UTS2: variants seen among roughly 807,000 people sequenced by gnomAD.
UTS2 encodes the protein urotensin 2.
Under a neutral mutation model 12.6 loss-of-function variants are expected in UTS2, and 10 were observed. The ratio of observed to expected loss-of-function variants is 0.80; its 90% CI spans 0.49 to 1.35. The LOEUF (loss-of-function observed/expected upper bound fraction) is 1.35. UTS2 is among the 40% of genes most tolerant of loss of function. UTS2 has a pLI of 0.00. For synonymous variants in UTS2, 52 were observed against 50.0 expected (o/e 1.04, Z -0.17); for missense variants, 142 against 143.2 (o/e 0.99, Z 0.04).
the UTS2 span, among the ~76,000 whole-genome samples, chr1:7,895,089 C>T: frequency 6.6e-6 from 1 of 152,076 alleles, no homozygotes. Flanking sequence ...TAGGCCTAGG[C>T]CTGGCACGGT....
the UTS2 span, among the ~76,000 whole-genome samples, chr1:7,891,524 TAAGAAAGAAAGAA>T: frequency 1.7e-4 from 13 of 74,322 alleles, no homozygotes; most frequent in Admixed American, 2.4e-3. Flanking sequence ...AGACTCGATC[TAAGAAAGAAAGAA>T]AAGAAAGAAA....
the UTS2 span, among the ~76,000 whole-genome samples, chr1:7,872,823 T>C: frequency 6.6e-6 from 1 of 152,192 alleles, no homozygotes; most frequent in African/African-American, 2.4e-5. Flanking sequence ...AGATTTTCCG[T>C]GTAGATAAAC....
chr1:7,884,548 A>C, the UTS2 span, among the ~76,000 whole-genome samples: 2 of 152,026 alleles, frequency 1.3e-5, no homozygotes, highest in Admixed American at 6.6e-5. Context: ...GGCTCAAGCG[A>C]TCCTCCCATC....
At chr1:7,876,893 A>G in the UTS2 span, among the ~76,000 whole-genome samples, 5 of 152,128 alleles carry the variant, frequency 3.3e-5, no homozygotes, top group Admixed American at 1.3e-4. Context: ...GCACTTTGGG[A>G]GACCGAGGCA....
the UTS2 span, among the ~76,000 whole-genome samples, chr1:7,886,918 C>A: frequency 6.6e-6 from 1 of 151,574 alleles, no homozygotes. Flanking sequence ...GGCATGGTGG[C>A]AGGTCCCTGC....
chr1:7,853,530 C>T (rs11121035), upstream of UTS2: 120,480 of 1,487,858 alleles, frequency 0.081, 5,330 homozygotes, highest in African/African-American at 0.14. Flanking sequence ...GTAAAACCAG[C>T]TATTTCCTTT....
the UTS2 span, among the ~76,000 whole-genome samples, chr1:7,890,740 A>AAT: frequency 6.6e-6 from 1 of 150,726 alleles, no homozygotes; most frequent in Non-Finnish European, 1.5e-5. Flanking sequence ...AAAAAAAAAA[A>AAT]AAAAAATGAA....
chr1:7,905,946 C>T, the UTS2 span, among the ~76,000 whole-genome samples: 1,565 of 141,962 alleles, frequency 0.011, 30 homozygotes, highest in African/African-American at 0.038. Flanking sequence ...GCTTGTCTTG[C>T]TGGGCACACG....
chr1:7,869,437 G>T, the UTS2 span, among the ~76,000 whole-genome samples: 1 of 152,222 alleles, frequency 6.6e-6, no homozygotes, highest in Non-Finnish European at 1.5e-5. Flanking sequence ...GAGCACGTGG[G>T]GAAAGGGCTG....
At chr1:7,911,558 C>A in the UTS2 span, among the ~76,000 whole-genome samples, 1 of 152,094 alleles carries the variant, frequency 6.6e-6, no homozygotes, top group Non-Finnish European at 1.5e-5. Context: ...ATTACTGGGT[C>A]CAAAGCCCGT....
chr1:7,859,406 G>A, the UTS2 span, among the ~76,000 whole-genome samples: 8 of 152,220 alleles, frequency 5.3e-5, no homozygotes, highest in South Asian at 2.1e-4. Context: ...CACAGGCCCC[G>A]TGCTGGTCCC....
the UTS2 span, among the ~76,000 whole-genome samples, chr1:7,911,783 C>G: frequency 6.6e-6 from 1 of 151,882 alleles, no homozygotes; most frequent in South Asian, 2.1e-4. Context: ...TGCCTGTAAT[C>G]CCAGCTACTC....
the UTS2 span, among the ~76,000 whole-genome samples, chr1:7,866,118 C>T: frequency 1.1e-4 from 17 of 152,290 alleles, no homozygotes; most frequent in East Asian, 5.8e-4. This position sits in a 1 kb window ranked among gnomAD's most constrained non-coding sequence, Gnocchi z 4.5. Context: ...TGGTCGACCA[C>T]GCTGACCATG....
At chr1:7,865,641 C>T in the UTS2 span, among the ~76,000 whole-genome samples, 1 of 152,182 alleles carries the variant, frequency 6.6e-6, no homozygotes, top group Non-Finnish European at 1.5e-5. Flanking sequence ...CTTACAGACC[C>T]TATCTCCAAA....
At chr1:7,912,503 G>C in the UTS2 span, among the ~76,000 whole-genome samples, 1 of 152,122 alleles carries the variant, frequency 6.6e-6, no homozygotes, top group Non-Finnish European at 1.5e-5. Flanking sequence ...GCCCATGCTG[G>C]AGTGCAGTGT....
At chr1:7,888,559 T>A in the UTS2 span, among the ~76,000 whole-genome samples, 2 of 152,220 alleles carry the variant, frequency 1.3e-5, no homozygotes, top group African/African-American at 4.8e-5. Context: ...AGGTTTCCAT[T>A]GTCTGCAGGA....
the UTS2 span, among the ~76,000 whole-genome samples, chr1:7,883,269 A>T: frequency 6.6e-6 from 1 of 152,262 alleles, no homozygotes; most frequent in Non-Finnish European, 1.5e-5. Flanking sequence ...GTTAGATGAA[A>T]CAAGCCAGGC....
At chr1:7,908,030 G>T in the UTS2 span, among the ~76,000 whole-genome samples, 4 of 50 alleles carry the variant, frequency 0.08, no homozygotes, top group East Asian at 0.5. Flanking sequence ...AGCCAGGAAT[G>T]GTGCTCATGC....
chr1:7,909,172 G>A, the UTS2 span, among the ~76,000 whole-genome samples: 186 of 152,230 alleles, frequency 1.2e-3, no homozygotes, highest in African/African-American at 4.2e-3. Flanking sequence ...GGACACACGG[G>A]GATTATGGGA....
Sources: allele counts gnomAD v4.1 joint callset (sites outside exome capture counted in the v4.1 genomes callset), GRCh38; gene constraint gnomAD v4.1.1; non-coding constraint Gnocchi (gnomAD v3.1); transcripts MANE v1.5; gene names NCBI Gene and HGNC (gene_info 2026-07-23, HGNC 2026-07-21).